Variants in GALNT3 observed in about 807,000 individuals in gnomAD.
The protein encoded by GALNT3 is GalNAc transferase 3.
In GALNT3, 51 loss-of-function variants were observed where a neutral mutation model predicts 69.8. The ratio of observed to expected loss-of-function variants is 0.73; its 90% confidence interval spans 0.58 to 0.92. The LOEUF is 0.92. Ranked by LOEUF, GALNT3 falls within the 40% of genes least tolerant of loss-of-function variation. The pLI, the probability that GALNT3 is intolerant of heterozygous loss-of-function variation, is 0.00. For synonymous variants in GALNT3, 265 were observed against 248.5 expected, an observed-to-expected ratio of 1.07 and a Z score of -0.63; for missense variants, 711 against 760.0, an observed-to-expected ratio of 0.94 and a Z score of 0.76.
At chr2:165,750,020 AAT>A in intron 9 of GALNT3, 126 bp from the exon 10 acceptor site, 1 of 881,604 alleles carries the variant, frequency 1.1e-6, no homozygotes, top group Admixed American at 1.9e-5. Flanking sequence ...ATACAATAAA[AAT>A]AGTTATTAGA....
intron 9 of GALNT3, among the ~76,000 whole-genome samples, chr2:165,752,182 T>G (rs1305633150): frequency 6.6e-6 from 1 of 152,122 alleles, no homozygotes; most frequent in Non-Finnish European, 1.5e-5. Flanking sequence ...CTATCTGCTT[T>G]CTCCATGTAT....
intron 2 of GALNT3, among the ~76,000 whole-genome samples, chr2:165,766,313 A>T (rs1316041683): frequency 1.3e-5 from 2 of 152,194 alleles, no homozygotes; most frequent in Non-Finnish European, 2.9e-5. Context: ...AGGGAGAGAG[A>T]CCCTAAGTGC....
intron 2 of GALNT3, among the ~76,000 whole-genome samples, chr2:165,767,967 G>C (rs546155251): frequency 6.7e-6 from 1 of 148,962 alleles, no homozygotes; most frequent in Non-Finnish European, 1.5e-5. Flanking sequence ...TCCGCTTCCC[G>C]GGTTCAAGTG....
intron 1 of GALNT3, among the ~76,000 whole-genome samples, chr2:165,774,136 C>A (rs1202681559): frequency 6.6e-6 from 1 of 152,176 alleles, no homozygotes; most frequent in Non-Finnish European, 1.5e-5. Flanking sequence ...AGTTGATGAA[C>A]TACAACCTCA....
At chr2:165,764,127 C>A (rs1688597957) in intron 3 of GALNT3, among the ~76,000 whole-genome samples, 1 of 152,022 alleles carries the variant, frequency 6.6e-6, no homozygotes, top group Admixed American at 6.6e-5. Flanking sequence ...TTAAATTAGC[C>A]TTGTGATTCC....
chr2:165,748,991 C>G, intron 10 of GALNT3, 88 bp from the exon 11 acceptor site: 1 of 1,337,260 alleles, frequency 7.5e-7, no homozygotes, highest in East Asian at 2.5e-5. Flanking sequence ...TTCATTGAAG[C>G]AAACCTAATA....
chr2:165,769,591 T>C (rs1295961213), intron 2 of GALNT3, among the ~76,000 whole-genome samples: 1 of 151,822 alleles, frequency 6.6e-6, no homozygotes, highest in Non-Finnish European at 1.5e-5. Flanking sequence ...CCGTTTCTAC[T>C]AAAAATACAC....
Position 165,757,056 on chromosome 2 carries a change from A to G in GALNT3, c.1383T>C (p.Ile461=). 1 of 1,612,896 alleles carries G rather than the reference A, an allele frequency of 6.2e-7. No individual in the cohort carries two copies. The highest frequency in any genetic ancestry group is 2.2e-5 in the East Asian group (1 of 44,860). The change falls in exon 7 of 11, where the codon ATT becomes ATC. Residue 461 remains isoleucine, a synonymous_variant. Coordinates refer to ENST00000392701, the MANE Select transcript of GALNT3 (RefSeq NM_004482.4). ...FYRRNTDAAK[I]VKQKAFGDLS... ...CTTAGCTTTAACTTACTTGTTTAACAATTTTTGCTGCATCTGTATTTCTCC... is the reference window on the plus strand; with the variant it reads ...CTTAGCTTTAACTTACTTGTTTAACGATTTTTGCTGCATCTGTATTTCTCC...
intron 4 of GALNT3, 22 bp downstream of exon 4, chr2:165,761,883 A>G (rs770813966): frequency 6.2e-7 from 1 of 1,613,088 alleles, no homozygotes; most frequent in South Asian, 1.1e-5. Context: ...TGTTACAACC[A>G]TATCCATACA....
chr2:165,784,490 A>T (rs1387847021), intron 1 of GALNT3, among the ~76,000 whole-genome samples: 4 of 152,162 alleles, frequency 2.6e-5, no homozygotes, highest in Admixed American at 2.6e-4. Flanking sequence ...AAATGAGTCA[A>T]TGTGGAGGCT....
chr2:165,749,032 T>C (rs1265360217), intron 10 of GALNT3, 129 bp from the exon 11 acceptor site: 2 of 967,720 alleles, frequency 2.1e-6, no homozygotes, highest in Non-Finnish European at 3.1e-6. Flanking sequence ...CCATGTCTGA[T>C]AAACTCTTTT....
At chr2:165,754,752 G>A in intron 8 of GALNT3, 24 bp from the exon 9 acceptor site, 2 of 1,566,874 alleles carry the variant, frequency 1.3e-6, no homozygotes, top group Non-Finnish European at 1.8e-6. Context: ...TTCAAGTTAT[G>A]AAAAGTTTTT....
chr2:165,775,456 T>A (rs1398899969), intron 1 of GALNT3, among the ~76,000 whole-genome samples: 1 of 152,210 alleles, frequency 6.6e-6, no homozygotes, highest in Non-Finnish European at 1.5e-5. Context: ...GAAGATGATG[T>A]TTTGATCTTT....
At chr2:165,769,169 G>A (rs1688702086) in intron 2 of GALNT3, among the ~76,000 whole-genome samples, 1 of 147,502 alleles carries the variant, frequency 6.8e-6, no homozygotes. Flanking sequence ...ACTTTGGGAG[G>A]CTGAGGTGGG....
chr2:165,763,527 T>G (rs1448475191), intron 3 of GALNT3, among the ~76,000 whole-genome samples: 1 of 152,172 alleles, frequency 6.6e-6, no homozygotes, highest in Non-Finnish European at 1.5e-5. Context: ...TTTAACACCT[T>G]CTAACTACCT....
intron 1 of GALNT3, among the ~76,000 whole-genome samples, chr2:165,784,525 G>A (rs901522489): frequency 1.2e-4 from 19 of 152,244 alleles, no homozygotes; most frequent in African/African-American, 4.1e-4. Context: ...GTTGTGACGG[G>A]TGTTAAGGAT....
At chr2:165,772,903 T>C (rs982334285) in intron 1 of GALNT3, among the ~76,000 whole-genome samples, 1 of 152,312 alleles carries the variant, frequency 6.6e-6, no homozygotes, top group South Asian at 2.1e-4. Flanking sequence ...ACCAATTTTT[T>C]CCAAAATAGA....
chr2:165,779,937 T>G (rs1241542081), intron 1 of GALNT3, among the ~76,000 whole-genome samples: 2 of 152,194 alleles, frequency 1.3e-5, no homozygotes, highest in Non-Finnish European at 2.9e-5. Context: ...AATCCATATG[T>G]AGAATACTTG....
At chr2:165,757,797 G>A (rs2105405715) in intron 6 of GALNT3, among the ~76,000 whole-genome samples, 1 of 152,136 alleles carries the variant, frequency 6.6e-6, no homozygotes, top group South Asian at 2.1e-4. Context: ...TGCCAATTTA[G>A]AGAGAAAACG....
Sources: gnomAD v4.1 joint callset for allele counts (sites outside exome capture counted in the v4.1 genomes callset) on GRCh38, gnomAD v4.1.1 for gene constraint, MANE v1.5 for transcripts, NCBI Gene and HGNC (gene_info 2026-07-23, HGNC 2026-07-21) for gene names.